The following OPRM1 variants were observed in gnomAD, a reference collection of about 807,000 sequenced individuals.
The protein encoded by OPRM1 is opioid receptor mu 1.
A neutral mutation model predicts 31.8 loss-of-function variants in OPRM1; 27 were observed. That is an observed-to-expected ratio of 0.85 (90% CI 0.63 to 1.17). The LOEUF (loss-of-function observed/expected upper bound fraction) is 1.17. Among genes scored for constraint, OPRM1 ranks in the 50% most tolerant of loss-of-function variants. The pLI, the probability that OPRM1 is intolerant of heterozygous loss-of-function variation, is 0.00. For synonymous variants in OPRM1, 196 were observed against 189.9 expected (o/e 1.03, Z -0.26); for missense variants, 536 against 511.1 (o/e 1.05, Z -0.47).
At chr6:154,192,527 A>G (rs1392324330) in intron 3 of OPRM1, among the ~76,000 whole-genome samples, 1 of 152,222 alleles carries the variant, frequency 6.6e-6, no homozygotes, top group Non-Finnish European at 1.5e-5. Context: ...TAATTAAACC[A>G]AAAAGCTTCT....
chr6:154,068,377 T>A (rs577282214), intron 1 of OPRM1, among the ~76,000 whole-genome samples: 26 of 152,274 alleles, frequency 1.7e-4, no homozygotes, highest in Non-Finnish European at 3.4e-4. Flanking sequence ...CAATTCACCC[T>A]AACCACCCCA....
chr6:154,036,444 A>T (rs137986812), upstream of OPRM1, among the ~76,000 whole-genome samples: 44 of 152,182 alleles, frequency 2.9e-4, no homozygotes, highest in Admixed American at 1.2e-3. Flanking sequence ...CTCAGCTGAG[A>T]ATATGAAGCA....
intron 1 of OPRM1, among the ~76,000 whole-genome samples, chr6:154,044,729 A>G (rs1780769876): frequency 6.6e-6 from 1 of 152,244 alleles, no homozygotes; most frequent in Admixed American, 6.5e-5. Context: ...TGGTGTCTGT[A>G]GGTATTCAAA....
chr6:154,076,295 A>G (rs1229737747), intron 1 of OPRM1, among the ~76,000 whole-genome samples: 3 of 152,188 alleles, frequency 2.0e-5, no homozygotes, highest in African/African-American at 7.2e-5. Flanking sequence ...AAGGGACAAA[A>G]ACACTATGAA....
At chr6:154,065,129 C>CATTT (rs1785122638) in intron 1 of OPRM1, among the ~76,000 whole-genome samples, 1 of 151,112 alleles carries the variant, frequency 6.6e-6, no homozygotes, top group South Asian at 2.1e-4. Flanking sequence ...GATGCCTTTC[C>CATTT]ATTTATTTAT....
chr6:154,229,259 TTGAA>T (rs1218464394), intron 3 of OPRM1, among the ~76,000 whole-genome samples: 3 of 152,214 alleles, frequency 2.0e-5, no homozygotes, highest in African/African-American at 7.2e-5. Flanking sequence ...AATACATTTT[TTGAA>T]TGAATGAATG....
chr6:154,026,538 A>G (rs1583142645), intron 1 of OPRM1, among the ~76,000 whole-genome samples: 1 of 152,056 alleles, frequency 6.6e-6, no homozygotes, highest in African/African-American at 2.4e-5. Context: ...CCCTAATCTC[A>G]TTCTCTACTT....
intron 1 of OPRM1, among the ~76,000 whole-genome samples, chr6:154,051,866 A>T (rs1782261045): frequency 6.6e-6 from 1 of 152,218 alleles, no homozygotes; most frequent in Non-Finnish European, 1.5e-5. Flanking sequence ...TACTATAAAG[A>T]CACATGCACA....
chr6:154,084,949 C>T (rs1251075998), intron 1 of OPRM1, among the ~76,000 whole-genome samples: 2 of 147,678 alleles, frequency 1.4e-5, no homozygotes, highest in African/African-American at 5.1e-5. Flanking sequence ...CACACACACA[C>T]ACATGCTGGA....
intron 1 of OPRM1, among the ~76,000 whole-genome samples, chr6:154,013,017 A>G (rs1397679070): frequency 6.6e-6 from 1 of 151,840 alleles, no homozygotes; most frequent in Non-Finnish European, 1.5e-5. Flanking sequence ...TCAACATATG[A>G]ATGTGGTTGG....
intron 3 of OPRM1, chr6:154,223,061 C>T (rs532329680): frequency 1.2e-6 from 1 of 849,378 alleles, no homozygotes; most frequent in Admixed American, 2.0e-5. Flanking sequence ...AATTCTCAGA[C>T]ATTCCGATGT....
intron 1 of OPRM1, among the ~76,000 whole-genome samples, chr6:154,027,938 C>T (rs541187438): frequency 1.3e-5 from 2 of 152,266 alleles, no homozygotes; most frequent in African/African-American, 4.8e-5. Flanking sequence ...AGTCCTAGAA[C>T]CCCATGAACC....
Position 154,168,958 on chromosome 6 carries a change from C to A in OPRM1, c.1164+77486C>A, listed in dbSNP as rs533582840. 6.6e-6 allele frequency among the ~76,000 whole-genome samples: 1 copy of A among 152,120 alleles called. No individual in the cohort carries two copies. The highest frequency in any genetic ancestry group is 1.5e-5 in the Non-Finnish European group (1 of 68,022). ...TTCAACCCATACATAGTCCACCCTC[C>A]GGCCTCCTAAATTCATGTGTTTCTC... On this transcript the variant is annotated intron_variant, in intron 3 of 3. Transcript: ENST00000337049. This position sits in a 1 kb window ranked among gnomAD's most constrained non-coding sequence, Gnocchi z 4.1.
At chr6:154,246,467 T>C in intron 3 of OPRM1, 1 of 1,149,640 alleles carries the variant, frequency 8.7e-7, no homozygotes, top group East Asian at 2.4e-5. Flanking sequence ...CTATAACTTA[T>C]TTGTTTATTT....
chr6:154,184,344 T>C (rs528575550), intron 3 of OPRM1, among the ~76,000 whole-genome samples: 3 of 152,098 alleles, frequency 2.0e-5, no homozygotes, highest in Non-Finnish European at 4.4e-5. Context: ...TAAATAATAC[T>C]ACTATACTAG....
rs558652099 is a variant in OPRM1, at chr6:154,235,543, A to AT, written c.1165-11150_1165-11149insT. Among the ~76,000 whole-genome samples, 125 of 148,782 alleles carry AT rather than the reference A, an allele frequency of 8.4e-4. 1 individual carries two copies. The South Asian group carries it at 0.01, about 12-fold the overall frequency. ...CAAAACTCTGTCACAAAAAAAAAAA[A>AT]AAAAAAAAGTAATGAAGACAAAGTT... is the stretch of plus-strand genomic sequence containing the variant. On this transcript the variant is annotated intron_variant, in intron 3 of 3. Coordinates refer to the OPRM1 transcript ENST00000337049.
At chr6:154,137,390 TA>T (rs960477813) in intron 3 of OPRM1, among the ~76,000 whole-genome samples, 2 of 152,172 alleles carry the variant, frequency 1.3e-5, no homozygotes, top group African/African-American at 4.8e-5. Context: ...ACTAATAAAT[TA>T]TATTAATAAA....
intron 1 of OPRM1, chr6:154,083,445 A>T (rs1325793596): frequency 6.6e-6 from 1 of 152,270 alleles, no homozygotes; most frequent in Non-Finnish European, 1.5e-5. Context: ...CAAATGCAAA[A>T]ATAAAAATAC....
chr6:154,114,440 A>AAAAGAGAGAAAGAG (rs1562485572), intron 3 of OPRM1, among the ~76,000 whole-genome samples: 1 of 152,164 alleles, frequency 6.6e-6, no homozygotes, highest in African/African-American at 2.4e-5. Flanking sequence ...GCAGAAAAAA[A>AAAAGAGAGAAAGAG]AAAGAGAGAA....
Sources: allele counts gnomAD v4.1 joint callset (sites outside exome capture counted in the v4.1 genomes callset), GRCh38; gene constraint gnomAD v4.1.1; non-coding constraint Gnocchi (gnomAD v3.1); transcripts MANE v1.5; gene names NCBI Gene and HGNC (gene_info 2026-07-23, HGNC 2026-07-21).